Variants in WDR70 observed in about 807,000 individuals in gnomAD.
WDR70 encodes the protein WD repeat domain 70.
Under a neutral mutation model 88.6 loss-of-function variants are expected in WDR70, and 53 were observed. The ratio of observed to expected loss-of-function variants is 0.60; its 90% CI spans 0.48 to 0.75. The LOEUF (loss-of-function observed/expected upper bound fraction) is 0.75. Ranked by LOEUF, WDR70 falls within the 30% of genes least tolerant of loss-of-function variation. The probability of loss-of-function intolerance (pLI) is 0.00; values close to 1 mark genes in which losing one functional copy is unlikely to be tolerated. For missense variants in WDR70, 610 were observed against 823.2 expected (o/e 0.74, Z 3.17); for synonymous variants, 280 against 270.0 (o/e 1.04, Z -0.36).
At chr5:37,451,216 A>T (rs559480446) in intron 7 of WDR70, among the ~76,000 whole-genome samples, 1 of 152,180 alleles carries the variant, frequency 6.6e-6, no homozygotes, top group South Asian at 2.1e-4. Flanking sequence ...TCAAGAAAAG[A>T]CAGTAAAATC....
At chr5:37,673,912 C>G (rs967764831) in intron 10 of WDR70, among the ~76,000 whole-genome samples, 1 of 152,076 alleles carries the variant, frequency 6.6e-6, no homozygotes, top group East Asian at 1.9e-4. Context: ...ATAATGGCCT[C>G]CACCTCCATC....
At chr5:37,649,035 A>T (rs1745319002) in intron 10 of WDR70, among the ~76,000 whole-genome samples, 1 of 152,250 alleles carries the variant, frequency 6.6e-6, no homozygotes, top group Non-Finnish European at 1.5e-5. Context: ...ACATAATGGC[A>T]TCTTTCTGTG....
intron 10 of WDR70, among the ~76,000 whole-genome samples, chr5:37,670,327 A>T (rs1361240776): frequency 6.6e-6 from 1 of 152,204 alleles, no homozygotes; most frequent in East Asian, 1.9e-4. Context: ...GGCCTTGCAA[A>T]GCATACTCAG....
At chr5:37,513,819 G>A (rs1740796561) in intron 8 of WDR70, among the ~76,000 whole-genome samples, 1 of 152,042 alleles carries the variant, frequency 6.6e-6, no homozygotes, top group African/African-American at 2.4e-5. Flanking sequence ...CCCACCCAGA[G>A]TAAGGGTGGG....
intron 9 of WDR70, among the ~76,000 whole-genome samples, chr5:37,529,811 G>A (rs1741425267): frequency 6.6e-6 from 1 of 151,910 alleles, no homozygotes; most frequent in Non-Finnish European, 1.5e-5. Flanking sequence ...TGGATGCCTT[G>A]ATTTCTTTCT....
chr5:37,422,737 T>G (rs1245738797), intron 5 of WDR70, among the ~76,000 whole-genome samples: 1 of 152,106 alleles, frequency 6.6e-6, no homozygotes, highest in Non-Finnish European at 1.5e-5. Context: ...CTCCTCAGCC[T>G]CTCAAAGTGT....
At chr5:37,537,516 A>G (rs1247806301) in intron 9 of WDR70, among the ~76,000 whole-genome samples, 4 of 152,208 alleles carry the variant, frequency 2.6e-5, no homozygotes, top group Admixed American at 6.5e-5. Flanking sequence ...GGAGGAGTAC[A>G]TATATTATCC....
At chr5:37,469,723 TGAA>T (rs937831522) in intron 7 of WDR70, among the ~76,000 whole-genome samples, 6 of 152,216 alleles carry the variant, frequency 3.9e-5, no homozygotes, top group African/African-American at 1.4e-4. Context: ...AGCTACTGAA[TGAA>T]GAAGAGTTCT....
At chr5:37,718,100 C>G (rs1305320106) in intron 13 of WDR70, among the ~76,000 whole-genome samples, 1 of 152,050 alleles carries the variant, frequency 6.6e-6, no homozygotes, top group East Asian at 1.9e-4. Context: ...CTCCCTGTTT[C>G]GGCATGAAAG....
At chr5:37,518,367 A>G (rs976091270) in intron 9 of WDR70, among the ~76,000 whole-genome samples, 2 of 151,668 alleles carry the variant, frequency 1.3e-5, no homozygotes, top group African/African-American at 4.9e-5. Context: ...TACCCTCTTC[A>G]GCGTCTGGTA....
intron 5 of WDR70, among the ~76,000 whole-genome samples, chr5:37,414,927 C>G (rs138629801): frequency 0.052 from 6,992 of 135,522 alleles, 286 homozygotes; most frequent in African/African-American, 0.083. Context: ...GAGGACCCTG[C>G]GGCCTTCCGC....
intron 5 of WDR70, among the ~76,000 whole-genome samples, chr5:37,417,989 C>T (rs957630906): frequency 6.6e-6 from 1 of 152,174 alleles, no homozygotes; most frequent in African/African-American, 2.4e-5. Flanking sequence ...AGAAGTTCTC[C>T]ACTCCACCCA....
chr5:37,686,196 G>C (rs1018142980), intron 10 of WDR70, among the ~76,000 whole-genome samples: 1 of 150,230 alleles, frequency 6.7e-6, no homozygotes, highest in Non-Finnish European at 1.5e-5. Flanking sequence ...TTGTGTTGTA[G>C]TCACAGTACT....
intron 10 of WDR70, among the ~76,000 whole-genome samples, chr5:37,623,242 T>G (rs1207040285): frequency 2.0e-5 from 3 of 152,166 alleles, no homozygotes; most frequent in African/African-American, 7.2e-5. Context: ...GCTGAATTCA[T>G]CCTTTTCTTC....
chr5:37,611,946 C>G (rs949762000), intron 10 of WDR70, among the ~76,000 whole-genome samples: 1 of 152,048 alleles, frequency 6.6e-6, no homozygotes, highest in Non-Finnish European at 1.5e-5. Context: ...AACATGACCT[C>G]CAATGGTTAA....
At chr5:37,566,548 A>G (rs1742747810) in intron 9 of WDR70, among the ~76,000 whole-genome samples, 1 of 152,160 alleles carries the variant, frequency 6.6e-6, no homozygotes, top group Non-Finnish European at 1.5e-5. Context: ...TATAATAGAA[A>G]TAATGTTTAC....
chr5:37,514,704 A>T (rs543295806), intron 8 of WDR70, among the ~76,000 whole-genome samples: 1 of 152,158 alleles, frequency 6.6e-6, no homozygotes, highest in East Asian at 1.9e-4. Flanking sequence ...ACTGATTGCT[A>T]TGTAGAGCAC....
intron 4 of WDR70, among the ~76,000 whole-genome samples, chr5:37,393,396 T>C (rs1204538209): frequency 1.3e-5 from 2 of 152,166 alleles, no homozygotes; most frequent in Non-Finnish European, 2.9e-5. Context: ...ATTTTTTTTA[T>C]TTCCTCTAAT....
intron 7 of WDR70, among the ~76,000 whole-genome samples, chr5:37,473,363 G>A (rs1334671041): frequency 1.5e-5 from 2 of 130,022 alleles, no homozygotes; most frequent in African/African-American, 2.8e-5. Context: ...TTTTTTTTGA[G>A]ACTGAGTTTC....
Sources: allele counts gnomAD v4.1 joint callset (sites outside exome capture counted in the v4.1 genomes callset), GRCh38; gene constraint gnomAD v4.1.1; transcripts MANE v1.5; gene names NCBI Gene and HGNC (gene_info 2026-07-23, HGNC 2026-07-21).